CNTLN: variants seen among roughly 807,000 people sequenced by gnomAD.
CNTLN encodes centlein.
In CNTLN, 212 loss-of-function variants were observed where a neutral mutation model predicts 180.0. The observed-to-expected ratio is 1.18, with a 90% CI of 1.05 to 1.32. The LOEUF (loss-of-function observed/expected upper bound fraction) is 1.32. CNTLN is among the 40% of genes most tolerant of loss of function. The pLI, the probability that CNTLN is intolerant of heterozygous loss-of-function variation, is 0.00. For missense variants in CNTLN, 2,095 were observed against 1,610.9 expected, an observed-to-expected ratio of 1.30 and a Z score of -5.14; for synonymous variants, 722 against 563.1, an observed-to-expected ratio of 1.28 and a Z score of -3.99.
At chr9:17,190,211 A>G (rs969175175) in intron 2 of CNTLN, among the ~76,000 whole-genome samples, 7 of 150,158 alleles carry the variant, frequency 4.7e-5, no homozygotes, top group South Asian at 2.1e-4. Flanking sequence ...TTCTTCAGGG[A>G]TCACAGCCCT....
intron 23 of CNTLN, among the ~76,000 whole-genome samples, chr9:17,468,265 A>G (rs1423831122): frequency 6.6e-6 from 1 of 151,586 alleles, no homozygotes; most frequent in Non-Finnish European, 1.5e-5. Context: ...GGAGGATGAG[A>G]ACTGAAAAAC....
chr9:17,143,213 T>C, intron 1 of CNTLN, 75 bp from the exon 2 acceptor site: 5 of 1,039,778 alleles, frequency 4.8e-6, no homozygotes, highest in Non-Finnish European at 7.2e-6. Flanking sequence ...TTTTTTCATT[T>C]TAAAATTTAA....
intron 18 of CNTLN, among the ~76,000 whole-genome samples, chr9:17,427,669 T>C (rs946234493): frequency 1.3e-5 from 2 of 152,166 alleles, no homozygotes; most frequent in African/African-American, 4.8e-5. Context: ...CATGATTCTG[T>C]GTATTTGGTG....
At chr9:17,321,191 G>A (rs1391897392) in intron 8 of CNTLN, among the ~76,000 whole-genome samples, 2 of 152,118 alleles carry the variant, frequency 1.3e-5, no homozygotes, top group Non-Finnish European at 2.9e-5. Context: ...GGGAATGAGT[G>A]CTATACAATA....
intron 5 of CNTLN, among the ~76,000 whole-genome samples, chr9:17,260,267 T>G (rs1181155209): frequency 6.7e-6 from 1 of 150,344 alleles, no homozygotes; most frequent in East Asian, 2.0e-4. Context: ...TTGTTCAGTT[T>G]CCATGTAGTT....
intron 8 of CNTLN, among the ~76,000 whole-genome samples, chr9:17,327,213 C>CA (rs1563997152): frequency 8.5e-6 from 1 of 117,774 alleles, no homozygotes; most frequent in South Asian, 2.8e-4. Context: ...AGTAGTTAAC[C>CA]TTTTTTTTTT....
rs1829093357 is a variant in CNTLN at position 17,426,515 on chromosome 9, A to C, written c.3114+10326A>C. ...AGAGCTAAAGTCCAAAATTTTTGTC[A>C]TGTTGTATTTATATCCATATGTACA... On this transcript the variant is annotated intron_variant, in intron 18 of 25. Transcript: ENST00000380647. Among the ~76,000 whole-genome samples the C allele has an allele frequency of 2.6e-5, 4 of 151,918 alleles. No individual in the cohort carries two copies. The South Asian group carries it at 8.3e-4, about 31-fold the overall frequency.
intron 2 of CNTLN, among the ~76,000 whole-genome samples, chr9:17,149,852 G>C (rs1818733249): frequency 6.6e-6 from 1 of 152,112 alleles, no homozygotes; most frequent in Non-Finnish European, 1.5e-5. Context: ...AATTCTAACT[G>C]GCGTGAGATG....
chr9:17,254,533 T>C (rs1353329281), intron 5 of CNTLN, among the ~76,000 whole-genome samples: 1 of 151,430 alleles, frequency 6.6e-6, no homozygotes, highest in African/African-American at 2.4e-5. Flanking sequence ...ATCTAGTTTT[T>C]CTGGCAACAT....
Position 17,395,004 on chromosome 9 carries a change from C to CA in CNTLN, c.2552dup (p.Val852GlyfsTer7). 2 of 1,613,588 alleles carry CA rather than the reference C, an allele frequency of 1.2e-6. No individual in the cohort carries two copies. The highest frequency in any genetic ancestry group is 1.7e-6 in the Non-Finnish European group (2 of 1,179,642). ...ACCACACTGTTCTCAATCATTCCAT[C>CA]AAGGTTATGAGCAATGTGTTTGAGA... is the stretch of plus-strand genomic sequence containing the variant. On this transcript the variant is annotated frameshift_variant, in exon 15 of 26. Transcript: ENST00000380647. LOFTEE classifies it high-confidence loss of function.
intron 13 of CNTLN, among the ~76,000 whole-genome samples, chr9:17,379,533 T>C (rs1320720859): frequency 1.3e-5 from 2 of 152,176 alleles, no homozygotes; most frequent in Non-Finnish European, 2.9e-5. Context: ...AGCAGTAAGC[T>C]GGGGTAATTA....
intron 2 of CNTLN, among the ~76,000 whole-genome samples, chr9:17,222,781 A>G (rs533263568): frequency 2.6e-5 from 4 of 152,066 alleles, no homozygotes; most frequent in African/African-American, 4.8e-5. Context: ...ATTCCTTTCT[A>G]CTAAATTCTA....
intron 8 of CNTLN, among the ~76,000 whole-genome samples, chr9:17,323,335 T>G (rs1358273765): frequency 6.6e-6 from 1 of 152,194 alleles, no homozygotes; most frequent in Non-Finnish European, 1.5e-5. Flanking sequence ...TTATAGCTGC[T>G]TCATAATTAA....
At chr9:17,306,123 A>G (rs947341807) in intron 7 of CNTLN, among the ~76,000 whole-genome samples, 1 of 151,578 alleles carries the variant, frequency 6.6e-6, no homozygotes, top group African/African-American at 2.4e-5. Context: ...TAGAGAACAC[A>G]AGAAGGGTGC....
chr9:17,408,974 T>C (rs1004854634), intron 15 of CNTLN, among the ~76,000 whole-genome samples: 1 of 152,172 alleles, frequency 6.6e-6, no homozygotes, highest in Non-Finnish European at 1.5e-5. Flanking sequence ...TCTGGCCTTG[T>C]TGGGAAAGTA....
At chr9:17,168,214 A>G (rs966959755) in intron 2 of CNTLN, 2 of 152,204 alleles carry the variant, frequency 1.3e-5, no homozygotes, top group African/African-American at 2.4e-5. Flanking sequence ...AAATATTATA[A>G]TAGCAAGGGA....
the CNTLN span, among the ~76,000 whole-genome samples, chr9:17,526,913 T>C: frequency 1.7e-3 from 259 of 152,234 alleles, 1 homozygote; most frequent in African/African-American, 5.9e-3. Context: ...GGAGTCTCGC[T>C]GTCGCCCAGG....
intron 16 of CNTLN, among the ~76,000 whole-genome samples, chr9:17,410,074 G>A (rs1390734035): frequency 6.6e-6 from 1 of 151,962 alleles, no homozygotes; most frequent in Non-Finnish European, 1.5e-5. Flanking sequence ...TATTTTTTGA[G>A]CTCTTGCCAG....
chr9:17,443,656 A>G (rs577694251), intron 18 of CNTLN, among the ~76,000 whole-genome samples: 78 of 152,330 alleles, frequency 5.1e-4, no homozygotes, highest in African/African-American at 1.8e-3. Flanking sequence ...TGGTTAACAC[A>G]TGGGCATTCA....
Sources: gnomAD v4.1 joint callset for allele counts (sites outside exome capture counted in the v4.1 genomes callset) on GRCh38, gnomAD v4.1.1 for gene constraint, MANE v1.5 for transcripts, NCBI Gene and HGNC (gene_info 2026-07-23, HGNC 2026-07-21) for gene names.